Variants in PCDHA6 observed in about 807,000 individuals in gnomAD.
The protein encoded by PCDHA6 is protocadherin alpha-6.
PCDHA6 carries 55 observed loss-of-function variants against 60.3 expected under a neutral mutation model. The ratio of observed to expected loss-of-function variants is 0.91; its 90% CI spans 0.73 to 1.14. PCDHA6 has a LOEUF of 1.14. Ranked by LOEUF, PCDHA6 falls within the 50% of genes most tolerant of loss-of-function variation. The pLI is 0.00. For synonymous variants in PCDHA6, 652 were observed against 557.9 expected (o/e 1.17, Z -2.38); for missense variants, 1,327 against 1,256.5 (o/e 1.06, Z -0.85).
rs2150173685 is a variant in PCDHA6 at position 140,829,737 on chromosome 5, T to C, written c.1646T>C (p.Val549Ala). 3.1e-6 allele frequency: 5 copies of C among 1,613,542 alleles called. No individual in the cohort carries two copies. The highest frequency in any genetic ancestry group is 4.5e-5 in the East Asian group (2 of 44,876). The change falls in exon 1 of 4, where the codon GTG (valine) becomes GCG (alanine). Residue 549 changes from valine to alanine, a missense_variant. Coordinates refer to ENST00000529310, the MANE Select transcript of PCDHA6 (RefSeq NM_018909.4). ...DAGVPPLGSNVTLQVFVLDEN... is the reference protein window; with the variant it reads ...DAGVPPLGSNATLQVFVLDEN... Reference sequence around the variant, plus strand: ...GGCGTGCCGCCTCTGGGCAGCAACGTGACGCTGCAGGTGTTCGTGCTGGAC... The same window carrying C: ...GGCGTGCCGCCTCTGGGCAGCAACGCGACGCTGCAGGTGTTCGTGCTGGAC...
At chr5:140,877,209 G>C in intron 1 of PCDHA6, 1 of 1,613,794 alleles carries the variant, frequency 6.2e-7, no homozygotes, top group African/African-American at 1.3e-5. Context: ...CAGTTAGCGA[G>C]TTGGTACCGC....
intron 1 of PCDHA6, among the ~76,000 whole-genome samples, chr5:140,978,653 G>T (rs527551897): frequency 6.6e-6 from 1 of 152,196 alleles, no homozygotes; most frequent in Non-Finnish European, 1.5e-5. Flanking sequence ...TGTTCTTCCC[G>T]TAGTGTTTTA....
At chr5:140,929,424 A>G in intron 1 of PCDHA6, 1 of 1,496,380 alleles carries the variant, frequency 6.7e-7, no homozygotes, top group East Asian at 2.3e-5. Flanking sequence ...ACATTTCATC[A>G]ATTGAACTAA....
chr5:140,942,901 A>T (rs1361297196), intron 1 of PCDHA6, among the ~76,000 whole-genome samples: 1 of 152,094 alleles, frequency 6.6e-6, no homozygotes, highest in East Asian at 1.9e-4. Context: ...TATCTCTAAG[A>T]ATAAGCGTGA....
intron 1 of PCDHA6, among the ~76,000 whole-genome samples, chr5:140,831,996 A>G (rs1771793071): frequency 6.6e-6 from 1 of 152,198 alleles, no homozygotes; most frequent in Non-Finnish European, 1.5e-5. Context: ...CGGATTCCAT[A>G]TTGTTTTCAT....
intron 1 of PCDHA6, among the ~76,000 whole-genome samples, chr5:140,899,359 T>C (rs1247414230): frequency 6.6e-6 from 1 of 152,116 alleles, no homozygotes; most frequent in Non-Finnish European, 1.5e-5. Context: ...TTTTGAGATA[T>C]GTCCCATCAA....
At chr5:140,892,283 C>T (rs1554185144) in intron 1 of PCDHA6, among the ~76,000 whole-genome samples, 1 of 152,172 alleles carries the variant, frequency 6.6e-6, no homozygotes, top group African/African-American at 2.4e-5. Context: ...GTATTAAACA[C>T]TTCTTCCTGG....
At chr5:140,927,720 G>A in intron 1 of PCDHA6, 6 of 1,614,174 alleles carry the variant, frequency 3.7e-6, no homozygotes, top group Non-Finnish European at 4.2e-6. Context: ...GCAACAGCAC[G>A]CAAGCAGAGC....
intron 1 of PCDHA6, among the ~76,000 whole-genome samples, chr5:140,930,783 A>G (rs1211509868): frequency 6.6e-6 from 1 of 152,246 alleles, no homozygotes; most frequent in Non-Finnish European, 1.5e-5. Context: ...TATTTTCACA[A>G]TATAATAGAA....
intron 3 of PCDHA6, among the ~76,000 whole-genome samples, chr5:140,983,182 C>T (rs782457174): frequency 6.6e-6 from 1 of 152,188 alleles, no homozygotes; most frequent in Non-Finnish European, 1.5e-5. Flanking sequence ...CTCACAATTT[C>T]TTAGTTTAGA....
At chr5:140,850,644 C>T in intron 1 of PCDHA6, 1 of 1,598,664 alleles carries the variant, frequency 6.3e-7, no homozygotes, top group Non-Finnish European at 8.6e-7. Flanking sequence ...CACGCTGCTG[C>T]TGTACACTGT....
intron 1 of PCDHA6, among the ~76,000 whole-genome samples, chr5:140,941,621 G>A (rs552509224): frequency 6.6e-6 from 1 of 151,808 alleles, no homozygotes; most frequent in South Asian, 2.1e-4. Context: ...AGCCCATCCT[G>A]CTTCTTAATT....
At chr5:140,841,887 A>G (rs2150324801) in intron 1 of PCDHA6, 3 of 1,613,824 alleles carry the variant, frequency 1.9e-6, no homozygotes, top group Non-Finnish European at 2.5e-6. Context: ...AACGATGAGA[A>G]TAAACTGGTT....
chr5:140,984,271 A>G (rs1403531837), intron 3 of PCDHA6, among the ~76,000 whole-genome samples: 1 of 152,196 alleles, frequency 6.6e-6, no homozygotes, highest in African/African-American at 2.4e-5. Context: ...ACTAACTTTG[A>G]ATACATTCTC....
At chr5:140,968,729 A>G (rs1563381706) in intron 1 of PCDHA6, 1 of 1,614,134 alleles carries the variant, frequency 6.2e-7, no homozygotes, top group Non-Finnish European at 8.5e-7. Flanking sequence ...GAGTGGTAGC[A>G]CTTTCAACCT....
chr5:140,892,185 C>T (rs569665979), intron 1 of PCDHA6, among the ~76,000 whole-genome samples: 1 of 152,254 alleles, frequency 6.6e-6, no homozygotes, highest in East Asian at 1.9e-4. Flanking sequence ...CCTCATGGGT[C>T]TATTCCTGTG....
At chr5:140,997,116 C>A (rs1554255739) in intron 3 of PCDHA6, among the ~76,000 whole-genome samples, 1 of 152,054 alleles carries the variant, frequency 6.6e-6, no homozygotes, top group Non-Finnish European at 1.5e-5. Context: ...CCTGCTCTCC[C>A]ACATACACAA....
chr5:140,940,510 G>T (rs1477590604), intron 1 of PCDHA6, among the ~76,000 whole-genome samples: 1 of 151,778 alleles, frequency 6.6e-6, no homozygotes, highest in Non-Finnish European at 1.5e-5. Context: ...TCGCTCAGGC[G>T]TGATCATAGC....
chr5:140,966,363 G>A (rs1476634162), intron 1 of PCDHA6: 3 of 402,216 alleles, frequency 7.5e-6, no homozygotes, highest in Admixed American at 4.4e-5. Flanking sequence ...GGGCTGGAGA[G>A]GCTGAGCAGT....
Sources: allele counts gnomAD v4.1 joint callset (sites outside exome capture counted in the v4.1 genomes callset), GRCh38; gene constraint gnomAD v4.1.1; transcripts MANE v1.5; gene names NCBI Gene and HGNC (gene_info 2026-07-23, HGNC 2026-07-21).